TRAF3: variants seen among roughly 807,000 people sequenced by gnomAD.
TRAF3 encodes the protein TNF receptor-associated factor 3.
TRAF3 carries 13 observed loss-of-function variants against 62.3 expected under a neutral mutation model. The observed-to-expected ratio is 0.21, with a 90% CI of 0.14 to 0.33. TRAF3 has a LOEUF of 0.33. Among genes scored for constraint, TRAF3 ranks in the 10% least tolerant of loss-of-function variants. The pLI is 1.00. For missense variants in TRAF3, 440 were observed against 741.8 expected, an observed-to-expected ratio of 0.59 and a Z score of 4.73; for synonymous variants, 269 against 283.4, an observed-to-expected ratio of 0.95 and a Z score of 0.51.
chr14:102,878,288 C>T lies in TRAF3; in HGVS notation c.570+1763C>T, dbSNP rs543145538. ...TGGAGAGAGACAGCTTCTCATACTT[C>T]GGTTACTTTGGCACAGTTTTGCATT... On this transcript the variant is annotated intron_variant, in intron 6 of 11. Coordinates refer to ENST00000392745, the MANE Select transcript of TRAF3 (RefSeq NM_145725.3). 1.2e-4 allele frequency among the ~76,000 whole-genome samples: 18 copies of T among 149,672 alleles called. No individual in the cohort carries two copies. In the South Asian group the frequency reaches 2.1e-3, roughly 17 times the overall value.
chr14:102,888,466 C>T (rs1206465037), intron 7 of TRAF3, among the ~76,000 whole-genome samples: 2 of 152,236 alleles, frequency 1.3e-5, no homozygotes, highest in Admixed American at 6.5e-5. Flanking sequence ...ATTTTCCCCT[C>T]TGTTGTAAAT....
At chr14:102,787,177 G>T (rs1053282667) in intron 1 of TRAF3, among the ~76,000 whole-genome samples, 2 of 152,128 alleles carry the variant, frequency 1.3e-5, no homozygotes, top group Non-Finnish European at 2.9e-5. Flanking sequence ...AAGAAATACC[G>T]GTGGGAGTAG....
At chr14:102,827,549 G>A (rs1260544767) in intron 1 of TRAF3, among the ~76,000 whole-genome samples, 1 of 152,210 alleles carries the variant, frequency 6.6e-6, no homozygotes, top group African/African-American at 2.4e-5. Flanking sequence ...GACCCGTCAC[G>A]TGAGGTCAGT....
chr14:102,876,913 C>CAGG (rs1225350092), intron 6 of TRAF3, among the ~76,000 whole-genome samples: 1 of 147,180 alleles, frequency 6.8e-6, no homozygotes. Context: ...ACAGGCCTTC[C>CAGG]CTCAACTCAT....
chr14:102,839,210 CTTTTTTTTTTTTTT>C lies in TRAF3; in HGVS notation c.-18+8753_-18+8766del, dbSNP rs56998347. Among the ~76,000 whole-genome samples, 750 of 89,850 alleles carry C rather than the reference CTTTTTTTTTTTTTT, an allele frequency of 8.3e-3. 11 individuals carry two copies. Among genetic ancestry groups the C allele is most frequent in the Admixed American group, 0.017 (138 of 8,210 alleles). 58.9% of individuals were successfully genotyped at this position (89,850 alleles called of 152,430 possible). ...GAGAGATGCTTATTGGTTGATTTGC[CTTTTTTTTTTTTTT>C]TTTTTTTTTTTTTTGAAACAGTCTC... is the stretch of plus-strand genomic sequence containing the variant. On this transcript the variant is annotated intron_variant, in intron 2 of 11. Transcript: ENST00000392745.
At chr14:102,876,560 A>G (rs1348594518) in intron 6 of TRAF3, 35 bp downstream of exon 6, 16 of 1,608,546 alleles carry the variant, frequency 9.9e-6, no homozygotes, top group Non-Finnish European at 1.4e-5. Context: ...CCTTCCACTC[A>G]ATTCCTATAT....
chr14:102,806,897 A>G (rs1307953483), intron 1 of TRAF3, among the ~76,000 whole-genome samples: 1 of 152,122 alleles, frequency 6.6e-6, no homozygotes, highest in African/African-American at 2.4e-5. Flanking sequence ...TGCTTGAATG[A>G]CACCTAACCT....
At chr14:102,843,548 G>C (rs147770131) in intron 2 of TRAF3, among the ~76,000 whole-genome samples, 10 of 152,202 alleles carry the variant, frequency 6.6e-5, no homozygotes, top group African/African-American at 2.2e-4. Flanking sequence ...GTGTTCTCCA[G>C]GCTGGTCTCG....
At chr14:102,846,204 A>G (rs765460356) in intron 2 of TRAF3, among the ~76,000 whole-genome samples, 1 of 152,134 alleles carries the variant, frequency 6.6e-6, no homozygotes, top group African/African-American at 2.4e-5. Flanking sequence ...ACACATGCCT[A>G]AAGTGATTGA....
intron 2 of TRAF3, among the ~76,000 whole-genome samples, chr14:102,869,613 C>T (rs10134833): frequency 0.068 from 10,316 of 151,826 alleles, 504 homozygotes; most frequent in African/African-American, 0.14. Context: ...GAGATCATCC[C>T]GGCTAATGTG....
At chr14:102,816,081 G>A (rs565829221) in intron 1 of TRAF3, among the ~76,000 whole-genome samples, 38 of 151,902 alleles carry the variant, frequency 2.5e-4, no homozygotes, top group Non-Finnish European at 4.1e-4. Context: ...AAATATAAGG[G>A]CTTATTTCTG....
intron 2 of TRAF3, among the ~76,000 whole-genome samples, chr14:102,843,024 A>G (rs1446170645): frequency 1.3e-5 from 2 of 152,014 alleles, no homozygotes; most frequent in African/African-American, 2.4e-5. Context: ...CCTGGCCAAC[A>G]TGGTGAAACC....
rs933471434 is a variant in TRAF3 at position 102,851,013 on chromosome 14, C to T, written c.-17-19172C>T. The stretch of plus-strand genomic sequence containing the variant: ...GTATGATTGCCGTGCTAACCAGAGG[C>T]GCATGTGTCCAGCATCTGGGCATTG... On this transcript the variant is annotated intron_variant, in intron 2 of 11. Transcript: ENST00000392745. 5.3e-5 allele frequency among the ~76,000 whole-genome samples: 8 copies of T among 152,184 alleles called. No homozygotes were observed. In the East Asian group the frequency reaches 7.7e-4, roughly 15 times the overall value.
intron 6 of TRAF3, 114 bp from the exon 7 acceptor site, chr14:102,886,075 T>C: frequency 1.1e-6 from 1 of 879,012 alleles, no homozygotes; most frequent in South Asian, 1.4e-5. Flanking sequence ...TGCCATAACT[T>C]AGAGGACAGC....
At chr14:102,791,483 T>C (rs1386019956) in intron 1 of TRAF3, among the ~76,000 whole-genome samples, 4 of 152,240 alleles carry the variant, frequency 2.6e-5, no homozygotes, top group African/African-American at 9.6e-5. Flanking sequence ...ACCTTTCTTT[T>C]TGTATTGCTC....
intron 1 of TRAF3, among the ~76,000 whole-genome samples, chr14:102,779,675 C>T (rs1566731957): frequency 6.6e-6 from 1 of 152,194 alleles, no homozygotes; most frequent in Non-Finnish European, 1.5e-5. Context: ...TGATTGATCA[C>T]TCCCTTAAAA....
rs761788321 is a variant in TRAF3, at chr14:102,905,544, G to A, written c.1467G>A (p.Pro489=). Reference sequence around the variant, plus strand: ...AATATGATGCCCTGCTTCCTTGGCCGTTTAAGCAGAAAGTGACACTCATGC... The same window carrying A: ...AATATGATGCCCTGCTTCCTTGGCCATTTAAGCAGAAAGTGACACTCATGC... ...RGEYDALLPW[P]FKQKVTLMLM... is the part of the protein sequence containing the mutation. The change falls in exon 12 of 12, where the codon CCG becomes CCA. Residue 489 remains proline, a synonymous_variant. Transcript: ENST00000392745. 2.5e-5 allele frequency: 41 copies of A among 1,614,026 alleles called. No homozygotes were observed. Among genetic ancestry groups the A allele is most frequent in the Admixed American group, 2.0e-4 (12 of 60,000 alleles).
intron 9 of TRAF3, among the ~76,000 whole-genome samples, chr14:102,894,496 C>T (rs1889897259): frequency 6.6e-6 from 1 of 152,226 alleles, no homozygotes; most frequent in Admixed American, 6.5e-5. Context: ...AACCTCGGAC[C>T]TCCTGGGCCG....
chr14:102,797,778 C>T (rs1438241723), intron 1 of TRAF3, among the ~76,000 whole-genome samples: 3 of 150,838 alleles, frequency 2.0e-5, no homozygotes, highest in Non-Finnish European at 4.4e-5. Context: ...CTCTTGTCAC[C>T]CAGGCTGGAG....
Sources: allele counts gnomAD v4.1 joint callset (sites outside exome capture counted in the v4.1 genomes callset), GRCh38; gene constraint gnomAD v4.1.1; transcripts MANE v1.5; gene names NCBI Gene and HGNC (gene_info 2026-07-23, HGNC 2026-07-21).